Variants in DPEP2 observed in about 807,000 individuals in gnomAD.
DPEP2 encodes the protein dipeptidase 2.
A neutral mutation model predicts 51.8 loss-of-function variants in DPEP2; 45 were observed. The ratio of observed to expected loss-of-function variants is 0.87; its 90% CI spans 0.68 to 1.11. DPEP2 has a LOEUF of 1.11. Among genes scored for constraint, DPEP2 ranks in the 50% most tolerant of loss-of-function variants. The pLI is 0.00. For synonymous variants in DPEP2, 255 were observed against 262.7 expected, an observed-to-expected ratio of 0.97 and a Z score of 0.28; for missense variants, 604 against 631.9, an observed-to-expected ratio of 0.96 and a Z score of 0.47.
At chr16:67,988,374 A>G (rs1438512107) in intron 9 of DPEP2, among the ~76,000 whole-genome samples, 5 of 151,254 alleles carry the variant, frequency 3.3e-5, no homozygotes, top group Admixed American at 6.6e-5. Context: ...GTGAAACCCA[A>G]TCTCTACTAA....
chr16:67,999,149 G>A (rs1384430084), intron 1 of DPEP2: 2 of 153,048 alleles, frequency 1.3e-5, no homozygotes, highest in African/African-American at 4.8e-5. Flanking sequence ...CTGCTTTTAT[G>A]AGCTTTAACA....
Position 67,987,767 on chromosome 16 carries a change from G to T in DPEP2, c.1207-7C>A, listed in dbSNP as rs1183929797. 6.2e-7 allele frequency: 1 copy of T among 1,612,824 alleles called. No homozygotes were observed. The highest frequency in any genetic ancestry group is 1.3e-5 in the African/African-American group (1 of 75,008). ...ATTTGTTTTCTTCCTGTACCTAGAG[G>T]TGGCAGTCGGTGCTCAGCTTCCACA... On this transcript the variant is annotated splice_region_variant and splice_polypyrimidine_tract_variant and intron_variant, in intron 10 of 10. Transcript: ENST00000393847.
chr16:67,994,176 G>A, intron 1 of DPEP2: 2 of 985,444 alleles, frequency 2.0e-6, no homozygotes, highest in African/African-American at 1.7e-5. Context: ...TAGAGCTTCT[G>A]GCTGATCTGC....
At chr16:67,993,534 A>G (rs2151384421) in intron 1 of DPEP2, 4 of 1,089,928 alleles carry the variant, frequency 3.7e-6, no homozygotes, top group Non-Finnish European at 4.5e-6. Flanking sequence ...TACTCCTCCC[A>G]CTGTCCCCAG....
At position 67,987,975 on chromosome 16, in the gene DPEP2, C is replaced by A. The variant is rs756094707; in HGVS notation, c.1083G>T (p.Gly361=). 5.0e-6 allele frequency: 8 copies of A among 1,614,042 alleles called. No individual in the cohort carries two copies. The South Asian group carries it at 8.8e-5, about 18-fold the overall frequency. ...DYDGAGKFPQ[G]LEDVSTYPVL... Reference sequence around the variant, plus strand: ...CCGGGTATGTGGACACGTCTTCCAGCCCCTGAGGGAATCTGTGTGGCCACC... The same window carrying A: ...CCGGGTATGTGGACACGTCTTCCAGACCCTGAGGGAATCTGTGTGGCCACC... The change falls in exon 10 of 11, where the codon GGG becomes GGT. Residue 361 remains glycine (G), a synonymous_variant. Coordinates refer to ENST00000393847, the MANE Select transcript of DPEP2 (RefSeq NM_022355.4).
chr16:67,993,990 C>T, intron 1 of DPEP2: 1 of 985,432 alleles, frequency 1.0e-6, no homozygotes, highest in Non-Finnish European at 1.2e-6. Context: ...GAGCTCCTTC[C>T]TAAGGAGCTG....
rs1483075906 is a variant in DPEP2 at position 67,987,766 on chromosome 16, G to A, written c.1207-6C>T. 3 of 1,612,862 alleles carry A rather than the reference G, an allele frequency of 1.9e-6. No individual in the cohort carries two copies. The highest frequency in any genetic ancestry group is 2.5e-6 in the Non-Finnish European group (3 of 1,178,906). On this transcript the variant is annotated splice_region_variant and splice_polypyrimidine_tract_variant and intron_variant, in intron 10 of 10. Transcript: ENST00000393847. ...CATTTGTTTTCTTCCTGTACCTAGA[G>A]GTGGCAGTCGGTGCTCAGCTTCCAC...
At chr16:67,996,921 A>T (rs1273195373) in intron 1 of DPEP2, among the ~76,000 whole-genome samples, 1 of 151,994 alleles carries the variant, frequency 6.6e-6, no homozygotes, top group Admixed American at 6.6e-5. Flanking sequence ...TTGTAGTTGC[A>T]GTGAGCATTA....
intron 9 of DPEP2, among the ~76,000 whole-genome samples, chr16:67,988,527 C>T (rs1279294507): frequency 3.3e-5 from 5 of 151,288 alleles, no homozygotes; most frequent in Admixed American, 2.6e-4. Flanking sequence ...CGCTGGAACT[C>T]AGGAAGCAGA....
intron 7 of DPEP2, 89 bp downstream of exon 7, chr16:67,990,732 G>A: frequency 5.6e-6 from 8 of 1,438,554 alleles, no homozygotes; most frequent in Non-Finnish European, 7.6e-6. Context: ...CCAAAGTGCT[G>A]GGATTACAGG....
chr16:67,991,717 C>T lies in DPEP2; in HGVS notation c.662+121G>A. The T allele has an allele frequency of 7.1e-7, 1 of 1,407,068 alleles. No individual in the cohort carries two copies. Among genetic ancestry groups the T allele is most frequent in the Non-Finnish European group, 9.5e-7 (1 of 1,049,858 alleles). 87.2% of individuals were successfully genotyped at this position (1,407,068 alleles called of 1,614,324 possible). ...ATTCTGAAAACCAGAATCCCAGCTC[C>T]CCTCCCCACTCCAGAGTCAGTGCCA... On this transcript the variant is annotated intron_variant, in intron 5 of 10. Transcript: ENST00000393847. This position sits in a 1 kb window ranked among gnomAD's most constrained non-coding sequence, Gnocchi z 5.1.
chr16:67,992,245 TG>T (rs2032266540), intron 3 of DPEP2, 52 bp from the exon 4 acceptor site: 3 of 1,594,604 alleles, frequency 1.9e-6, no homozygotes, highest in Non-Finnish European at 2.6e-6. Context: ...TGGAGGACCC[TG>T]GACTGCTCAC....
At chr16:67,993,478 T>A in intron 1 of DPEP2, 4 of 1,229,718 alleles carry the variant, frequency 3.3e-6, no homozygotes, top group Non-Finnish European at 4.1e-6. Context: ...ATCCCTGTCC[T>A]GGGCGCCCAC....
At chr16:67,999,574 A>C (rs973195912), upstream of DPEP2, 4 of 903,078 alleles carry the variant, frequency 4.4e-6, no homozygotes, top group African/African-American at 7.2e-5. Context: ...ACACTTGTTT[A>C]CTTCTGGGGC....
intron 7 of DPEP2, 30 bp downstream of exon 7, chr16:67,990,791 T>C (rs2032034879): frequency 6.3e-7 from 1 of 1,596,644 alleles, no homozygotes; most frequent in Non-Finnish European, 8.6e-7. Flanking sequence ...AACCTCTTGC[T>C]TTAGGTTCCT....
rs149195577 is a variant in DPEP2 at position 67,993,490 on chromosome 16, C to G, written c.-45-233G>C. The G allele has an allele frequency of 9.3e-4, 1,135 of 1,214,070 alleles. 21 individuals carry two copies. The East Asian group carries it at 0.036, about 38-fold the overall frequency. The allele number at this position is 1,214,070 out of a possible 1,614,324, so 75.2% of individuals were successfully genotyped here. On this transcript the variant is annotated intron_variant, in intron 1 of 10. Transcript: ENST00000393847. The stretch of plus-strand genomic sequence containing the variant: ...CGGATCCCTGTCCTGGGCGCCCACT[C>G]GCGGCCTGTCTTAGGGCCCTCCACC...
At chr16:67,993,965 A>G in intron 1 of DPEP2, 12 of 985,452 alleles carry the variant, frequency 1.2e-5, no homozygotes, top group Non-Finnish European at 1.4e-5. Flanking sequence ...ACATTCTCCA[A>G]TCAGCCTTAG....
intron 9 of DPEP2, among the ~76,000 whole-genome samples, chr16:67,988,312 A>G (rs887419342): frequency 1.3e-4 from 20 of 152,142 alleles, no homozygotes; most frequent in African/African-American, 3.9e-4. Flanking sequence ...TGGGAGGCCA[A>G]GGTGGGCGGA....
Position 67,991,266 on chromosome 16 carries a change from C to T in DPEP2, c.663-82G>A. On this transcript the variant is annotated intron_variant, in intron 5 of 10. Transcript: ENST00000393847. The surrounding 1 kb of genome is among the most constrained non-coding windows in gnomAD (Gnocchi z 5.1). ...TAGAGGCCCTACCCACCCTCCATCCCTGCACCCCCCTGAAACAAAAACAGG... is the reference window on the plus strand; with the variant it reads ...TAGAGGCCCTACCCACCCTCCATCCTTGCACCCCCCTGAAACAAAAACAGG... 5 of 1,402,978 alleles carry T rather than the reference C, an allele frequency of 3.6e-6. No homozygotes were observed. The highest frequency in any genetic ancestry group is 1.2e-5 in the South Asian group (1 of 81,996). 86.9% of individuals were successfully genotyped at this position (1,402,978 alleles called of 1,614,324 possible). A position where few individuals can be genotyped will look rare whatever the true frequency, so the allele number is the denominator to read the frequency against.
Sources: gnomAD v4.1 joint callset for allele counts (sites outside exome capture counted in the v4.1 genomes callset) on GRCh38, gnomAD v4.1.1 for gene constraint, Gnocchi (gnomAD v3.1) non-coding constraint, MANE v1.5 for transcripts, NCBI Gene and HGNC (gene_info 2026-07-23, HGNC 2026-07-21) for gene names.